Variants in KLF8 observed in about 807,000 individuals in gnomAD.
KLF8 encodes KLF transcription factor 8.
KLF8 carries 10 observed loss-of-function variants against 18.2 expected under a neutral mutation model. That is an observed-to-expected ratio of 0.55 (90% confidence interval 0.34 to 0.93). The LOEUF (loss-of-function observed/expected upper bound fraction) is 0.93, where lower values mean the gene tolerates loss of function less well. Ranked by LOEUF, KLF8 falls within the 40% of genes least tolerant of loss-of-function variation. The pLI is 0.02. For missense variants in KLF8, 264 were observed against 277.9 expected, an observed-to-expected ratio of 0.95 and a Z score of 0.36; for synonymous variants, 109 against 97.3, an observed-to-expected ratio of 1.12 and a Z score of -0.71.
the KLF8 span, among the ~76,000 whole-genome samples, chrX:56,177,300 T>C: frequency 9.0e-6 from 1 of 111,242 alleles, no homozygotes; most frequent in African/African-American, 3.3e-5. Context: ...TCCTTTCTGC[T>C]TGTTAGTTTT....
the KLF8 span, among the ~76,000 whole-genome samples, chrX:55,950,596 A>T: frequency 1.8e-5 from 2 of 111,365 alleles, no homozygotes; most frequent in African/African-American, 6.5e-5. Context: ...TTGCACAGTA[A>T]CACTAAGTGA....
rs139081150 is a variant in KLF8, at chrX:56,265,280, C to T, written c.182C>T (p.Ala61Val). Residue 61 changes from alanine to valine, a missense_variant, in exon 3 of 6, where the codon GCA becomes GTA. By Grantham distance (64) the Ala-to-Val change is moderately conservative. Transcript: ENST00000468660. ...LLDANPMENP[A>V]LFNDIKIEPP... ...GATGCCAACCCCATGGAGAACCCAGCACTGTTTAATGACATCAAGATTGAG... is the reference window on the plus strand; with the variant it reads ...GATGCCAACCCCATGGAGAACCCAGTACTGTTTAATGACATCAAGATTGAG... 1.7e-6 allele frequency: 2 copies of T among 1,208,059 alleles called. No homozygotes were observed. Among genetic ancestry groups the T allele is most frequent in the Non-Finnish European group, 2.2e-6 (2 of 893,094 alleles).
At chrX:55,988,756 G>A in the KLF8 span, among the ~76,000 whole-genome samples, 1 of 111,741 alleles carries the variant, frequency 8.9e-6, no homozygotes, top group Non-Finnish European at 1.9e-5. Context: ...TTGGTAGCTT[G>A]ATGGGGATGG....
the KLF8 span, among the ~76,000 whole-genome samples, chrX:56,223,061 G>A: frequency 1.8e-5 from 2 of 113,357 alleles, no homozygotes; most frequent in East Asian, 2.8e-4. Context: ...GGAGGCCAGG[G>A]AGGCGCCAAG....
At chrX:56,181,346 C>T in the KLF8 span, among the ~76,000 whole-genome samples, 1 of 110,905 alleles carries the variant, frequency 9.0e-6, no homozygotes, top group Non-Finnish European at 1.9e-5. Context: ...TTATTTTGAG[C>T]CTATGTGTGT....
At chrX:55,974,097 A>G in the KLF8 span, among the ~76,000 whole-genome samples, 1 of 111,653 alleles carries the variant, frequency 9.0e-6, no homozygotes. Flanking sequence ...ACCAAATACC[A>G]CATATTCTCT....
At chrX:55,969,616 A>G in the KLF8 span, among the ~76,000 whole-genome samples, 2 of 111,931 alleles carry the variant, frequency 1.8e-5, no homozygotes, top group Admixed American at 1.9e-4. Flanking sequence ...TGAAAATGAA[A>G]TGAAGAAACA....
chrX:56,182,772 C>A, the KLF8 span, among the ~76,000 whole-genome samples: 1 of 112,686 alleles, frequency 8.9e-6, no homozygotes, highest in African/African-American at 3.2e-5. Flanking sequence ...CCAGCAGAGG[C>A]TGCAGAGCAG....
At chrX:56,202,285 CTTGT>C in the KLF8 span, among the ~76,000 whole-genome samples, 32 of 105,080 alleles carry the variant, frequency 3.0e-4, no homozygotes, top group Non-Finnish European at 6.1e-4. Context: ...TGTTTGTTTT[CTTGT>C]TTATTTTTGT....
At chrX:55,963,726 C>T in the KLF8 span, among the ~76,000 whole-genome samples, 29 of 111,212 alleles carry the variant, frequency 2.6e-4, no homozygotes, top group Admixed American at 7.6e-4. Context: ...AGGCAGAAAA[C>T]GAACAAAGAT....
intron 5 of KLF8, among the ~76,000 whole-genome samples, chrX:56,271,104 T>A: frequency 8.9e-6 from 1 of 112,383 alleles, no homozygotes; most frequent in Non-Finnish European, 1.9e-5. Context: ...AGAGATGACT[T>A]AAAATATAGG....
the KLF8 span, among the ~76,000 whole-genome samples, chrX:56,001,025 AG>A: frequency 2.7e-5 from 3 of 111,703 alleles, no homozygotes; most frequent in African/African-American, 9.8e-5. Context: ...AAAGCACCAC[AG>A]CCATATTTAC....
At chrX:55,951,341 T>TG in the KLF8 span, among the ~76,000 whole-genome samples, 2 of 107,340 alleles carry the variant, frequency 1.9e-5, no homozygotes, top group East Asian at 2.9e-4. Context: ...CCAGGTGTGG[T>TG]GGGGGGCGCC....
At chrX:56,161,296 G>A in the KLF8 span, among the ~76,000 whole-genome samples, 12 of 111,090 alleles carry the variant, frequency 1.1e-4, no homozygotes, top group East Asian at 3.1e-3. Flanking sequence ...TGGGTAACCC[G>A]ACCTTTGAAT....
At position 56,250,108 on chromosome X, in the gene KLF8, T is replaced by C. The variant is rs112318024; in HGVS notation, c.8-123T>C. The stretch of plus-strand genomic sequence containing the variant: ...TAAATCAGAAGGTTTCAATGACTTA[T>C]CAGTATCTGGTAAGCACTGAAAGAT... On this transcript the variant is annotated intron_variant, in intron 1 of 5. Transcript: ENST00000468660. 35 of 475,244 alleles carry C rather than the reference T, an allele frequency of 7.4e-5. No homozygotes were observed. The Middle Eastern group carries it at 1.2e-3, about 17-fold the overall frequency. 39.2% of individuals were successfully genotyped at this position (475,244 alleles called of 1,213,427 possible).
At chrX:55,928,700 T>G in the KLF8 span, among the ~76,000 whole-genome samples, 1 of 112,114 alleles carries the variant, frequency 8.9e-6, no homozygotes, top group Non-Finnish European at 1.9e-5. Context: ...GAACATGAAC[T>G]CATCCTTTTT....
chrX:56,110,866 CCTAATATTA>C, the KLF8 span, among the ~76,000 whole-genome samples: 1 of 111,432 alleles, frequency 9.0e-6, no homozygotes, highest in African/African-American at 3.3e-5. Context: ...GAATTACTAA[CCTAATATTA>C]ATAATATTTG....
the KLF8 span, among the ~76,000 whole-genome samples, chrX:56,057,322 C>T: frequency 9.0e-6 from 1 of 110,947 alleles, no homozygotes; most frequent in Non-Finnish European, 1.9e-5. Flanking sequence ...GCTCTGACTG[C>T]AATGGTGGTT....
chrX:56,265,199 A>G lies in KLF8; in HGVS notation c.101A>G (p.Asn34Ser). Residue 34 changes from asparagine (N) to serine (S), a missense_variant, in exon 3 of 6, where the codon AAC becomes AGC. This residue lies in a region of KLF8 where 221 missense variants were observed against 193.6 expected (regional missense o/e 1.14). Transcript: ENST00000468660. ...TTTAAGGTCACTGCTTCTGTTCGGAACAGAGATCCCCCTGAGATAGAATAC... is the reference window on the plus strand; with the variant it reads ...TTTAAGGTCACTGCTTCTGTTCGGAGCAGAGATCCCCCTGAGATAGAATAC... Reference protein sequence around the residue: ...VFKQVTASVRNRDPPEIEYRS... With the variant: ...VFKQVTASVRSRDPPEIEYRS... 2.5e-6 allele frequency: 3 copies of G among 1,203,167 alleles called. No individual in the cohort carries two copies. The highest frequency in any genetic ancestry group is 3.4e-6 in the Non-Finnish European group (3 of 889,594).
Sources: allele counts gnomAD v4.1 joint callset (sites outside exome capture counted in the v4.1 genomes callset), GRCh38; gene constraint gnomAD v4.1.1; regional missense constraint gnomAD v4.1.1; transcripts MANE v1.5; gene names NCBI Gene and HGNC (gene_info 2026-07-23, HGNC 2026-07-21).